The following TMEM184B variants were observed in gnomAD, a reference collection of about 807,000 sequenced individuals.
TMEM184B encodes the protein putative MAPK-activating protein FM08.
Under a neutral mutation model 41.8 loss-of-function variants are expected in TMEM184B, and 17 were observed. The observed-to-expected ratio is 0.41, with a 90% CI of 0.28 to 0.61. TMEM184B has a LOEUF of 0.61. TMEM184B is among the 20% of genes least tolerant of loss of function. TMEM184B has a pLI of 0.34. For missense variants in TMEM184B, 393 were observed against 557.8 expected (o/e 0.70, Z 2.98); for synonymous variants, 240 against 229.5 (o/e 1.05, Z -0.41).
At chr22:38,269,029 C>A (rs1270977278) in intron 1 of TMEM184B, among the ~76,000 whole-genome samples, 1 of 152,258 alleles carries the variant, frequency 6.6e-6, no homozygotes, top group African/African-American at 2.4e-5. Context: ...TCCCATCTTA[C>A]AGATGAAGGA....
Position 38,225,712 on chromosome 22 carries a change from G to T in TMEM184B, c.618-119C>A. 2.5e-6 allele frequency: 3 copies of T among 1,183,416 alleles called. No individual in the cohort carries two copies. The highest frequency in any genetic ancestry group is 1.7e-5 in the South Asian group (1 of 57,684). 73.3% of individuals were successfully genotyped at this position (1,183,416 alleles called of 1,614,324 possible). ...CCCCACACCTCCAGCAGAGCTCAAC[G>T]AGCCACTGAAGGGGTCAGAATGGGT... On this transcript the variant is annotated intron_variant, in intron 6 of 8. Transcript: ENST00000361906. The surrounding 1 kb of genome is among the most constrained non-coding windows in gnomAD (Gnocchi z 4.4).
chr22:38,259,409 GATT>G (rs2092334762), intron 1 of TMEM184B, among the ~76,000 whole-genome samples: 1 of 152,240 alleles, frequency 6.6e-6, no homozygotes, highest in African/African-American at 2.4e-5. Context: ...TGAAATGAGA[GATT>G]ATCCTGGATA....
intron 1 of TMEM184B, among the ~76,000 whole-genome samples, chr22:38,263,016 C>T (rs1199728052): frequency 6.6e-6 from 1 of 152,158 alleles, no homozygotes; most frequent in South Asian, 2.1e-4. Flanking sequence ...GATTCTCCTG[C>T]CTCAGCCTCT....
intron 3 of TMEM184B, among the ~76,000 whole-genome samples, chr22:38,237,609 T>C (rs2145636413): frequency 6.6e-6 from 1 of 152,376 alleles, no homozygotes; most frequent in South Asian, 2.1e-4. Flanking sequence ...TTTTGCCCAC[T>C]TTGGGCAGAA....
rs575464130 is a variant in TMEM184B at position 38,261,452 on chromosome 22, A to G, written c.-59+11432T>C. The stretch of plus-strand genomic sequence containing the variant: ...AGTTCCCAGGAATCTCTCAACCAGG[A>G]AAGCAAAATCATCCAATCATGTACA... On this transcript the variant is annotated intron_variant, in intron 1 of 8. Transcript: ENST00000361906. Among the ~76,000 whole-genome samples, 9 of 152,310 alleles carry G rather than the reference A, an allele frequency of 5.9e-5. No individual in the cohort carries two copies. In the East Asian group the frequency reaches 1.3e-3, roughly 23 times the overall value.
intron 5 of TMEM184B, 80 bp downstream of exon 5, chr22:38,230,589 G>A (rs950867403): frequency 3.4e-6 from 5 of 1,457,852 alleles, no homozygotes; most frequent in Middle Eastern, 2.0e-4. Flanking sequence ...CTCTAAGGTG[G>A]GGCCCAGGGC....
intron 1 of TMEM184B, among the ~76,000 whole-genome samples, chr22:38,251,192 T>C (rs924689668): frequency 1.3e-5 from 2 of 152,224 alleles, no homozygotes; most frequent in Non-Finnish European, 2.9e-5. Flanking sequence ...CAACCCATGC[T>C]GGCCACGTTT....
At chr22:38,257,127 A>T (rs1295413921) in intron 1 of TMEM184B, among the ~76,000 whole-genome samples, 2 of 151,804 alleles carry the variant, frequency 1.3e-5, no homozygotes, top group African/African-American at 2.4e-5. Context: ...TATTACTGGC[A>T]TGCACCAAAA....
At chr22:38,265,358 A>G (rs970009745) in intron 1 of TMEM184B, among the ~76,000 whole-genome samples, 1 of 152,142 alleles carries the variant, frequency 6.6e-6, no homozygotes, top group Non-Finnish European at 1.5e-5. Context: ...TTTAACCTGA[A>G]GCTTTATTCA....
rs143749029 is a variant in TMEM184B, at chr22:38,262,820, G to A, written c.-59+10064C>T. Among the ~76,000 whole-genome samples the A allele has an allele frequency of 7.5e-4, 115 of 152,348 alleles. 1 individual carries two copies. Among genetic ancestry groups the A allele is most frequent in the African/African-American group, 2.7e-3 (114 of 41,588 alleles). ...ATTAGTGGTCTGGGGCCTGAGTGAG[G>A]CTCCTGTACTTGAGAAGTAGCCAGA... On this transcript the variant is annotated intron_variant, in intron 1 of 8. Coordinates refer to ENST00000361906, the MANE Select transcript of TMEM184B (RefSeq NM_012264.5).
intron 3 of TMEM184B, among the ~76,000 whole-genome samples, chr22:38,236,341 G>T (rs567828796): frequency 6.6e-6 from 1 of 152,174 alleles, no homozygotes; most frequent in Non-Finnish European, 1.5e-5. Flanking sequence ...AACAAGGACT[G>T]TGCTGGGGAC....
At chr22:38,245,070 G>A (rs934417666) in intron 3 of TMEM184B, among the ~76,000 whole-genome samples, 6 of 152,316 alleles carry the variant, frequency 3.9e-5, no homozygotes, top group South Asian at 2.1e-4. Context: ...GGAAGGAATC[G>A]AGTCTTCTTC....
At position 38,224,939 on chromosome 22, in the gene TMEM184B, G is replaced by C. The variant is rs1199080654; in HGVS notation, c.828C>G (p.Pro276=). 6.2e-7 allele frequency: 1 copy of C among 1,601,742 alleles called. No homozygotes were observed. Among genetic ancestry groups the C allele is most frequent in the Non-Finnish European group, 8.5e-7 (1 of 1,174,026 alleles). The change falls in exon 8 of 9, where the codon CCC becomes CCG. Residue 276 remains proline, a synonymous_variant. Coordinates refer to ENST00000361906, the MANE Select transcript of TMEM184B (RefSeq NM_012264.5). ...CCGACACGCGGGCCGAGTGGATTTT[G>C]GGGATGGCCCCACACTTCTCCAGGA... ...LAILEKCGAI[P]KIHSARVSVG...
chr22:38,269,734 C>T (rs2092494602), intron 1 of TMEM184B, among the ~76,000 whole-genome samples: 1 of 152,124 alleles, frequency 6.6e-6, no homozygotes, highest in African/African-American at 2.4e-5. Flanking sequence ...GAAGCCAGTT[C>T]CCAGCAGGCA....
intron 3 of TMEM184B, among the ~76,000 whole-genome samples, chr22:38,234,096 C>T (rs1037268734): frequency 7.9e-5 from 12 of 152,178 alleles, no homozygotes; most frequent in African/African-American, 2.9e-4. Context: ...GACTGCCACA[C>T]CTCGTGATGC....
intron 2 of TMEM184B, chr22:38,246,647 G>A: frequency 2.5e-6 from 1 of 404,586 alleles, no homozygotes; most frequent in Non-Finnish European, 4.1e-6. Context: ...ATGTCCTCAG[G>A]TTGTGCCTCC....
intron 3 of TMEM184B, among the ~76,000 whole-genome samples, chr22:38,234,060 C>T (rs955875107): frequency 3.8e-5 from 5 of 132,644 alleles, no homozygotes; most frequent in South Asian, 2.7e-4. Context: ...TGAGCCACCG[C>T]GCCCGGCCGA....
intron 1 of TMEM184B, among the ~76,000 whole-genome samples, chr22:38,250,288 C>A (rs2145711486): frequency 6.6e-6 from 1 of 152,380 alleles, no homozygotes; most frequent in Non-Finnish European, 1.5e-5. Context: ...TCTCCGCCAC[C>A]ATGTCGGCTC....
chr22:38,260,172 T>G (rs1052035157), intron 1 of TMEM184B, among the ~76,000 whole-genome samples: 1 of 152,020 alleles, frequency 6.6e-6, no homozygotes, highest in African/African-American at 2.4e-5. Context: ...CCTCCCAAAG[T>G]TCTGGGATTA....
Sources: gnomAD v4.1 joint callset for allele counts (sites outside exome capture counted in the v4.1 genomes callset) on GRCh38, gnomAD v4.1.1 for gene constraint, Gnocchi (gnomAD v3.1) non-coding constraint, MANE v1.5 for transcripts, NCBI Gene and HGNC (gene_info 2026-07-23, HGNC 2026-07-21) for gene names.